Variants in LYPLA2 observed in about 807,000 individuals in gnomAD.
The protein encoded by LYPLA2 is lysophospholipase 2.
In LYPLA2, 7 loss-of-function variants were observed where a neutral mutation model predicts 30.3. The observed-to-expected ratio is 0.23, with a 90% CI of 0.13 to 0.43. LYPLA2 has a LOEUF of 0.43. Ranked by LOEUF, LYPLA2 falls within the 20% of genes least tolerant of loss-of-function variation. The pLI is 1.00. For missense variants in LYPLA2, 206 were observed against 307.9 expected, an observed-to-expected ratio of 0.67 and a Z score of 2.48; for synonymous variants, 112 against 118.2, an observed-to-expected ratio of 0.95 and a Z score of 0.34.
chr1:23,793,892 C>T lies in LYPLA2; in HGVS notation c.257C>T (p.Pro86Leu), dbSNP rs865948092. 6.2e-7 allele frequency: 1 copy of T among 1,613,988 alleles called. No individual in the cohort carries two copies. Among genetic ancestry groups the T allele is most frequent in the Non-Finnish European group, 8.5e-7 (1 of 1,179,944 alleles). ...FDLMGLSPDA[P>L]EDEAGIKKAA... is the part of the protein sequence containing the mutation. ...CTGATGGGGCTGAGTCCAGATGCCC[C>T]AGAGGACGAGGCTGGCATCAAGAAG... is the stretch of plus-strand genomic sequence containing the variant. Residue 86 changes from proline to leucine, a missense_variant, in exon 6 of 10, where the codon CCA (proline) becomes CTA (leucine). Coordinates refer to ENST00000374514, the MANE Select transcript of LYPLA2 (RefSeq NM_007260.3). The surrounding 1 kb of genome is among the most constrained non-coding windows in gnomAD (Gnocchi z 6.0).
chr1:23,794,385 G>A lies in LYPLA2; in HGVS notation c.472-42G>A, dbSNP rs1432608076. On this transcript the variant is annotated intron_variant, in intron 8 of 9. Transcript: ENST00000374514. This position sits in a 1 kb window ranked among gnomAD's most constrained non-coding sequence, Gnocchi z 5.9. Reference sequence around the variant, plus strand: ...TCTGCATCCTCGTGGCTTGGGGACTGCTGCAGCACTAGCTTTGCCCTGAGT... The same window carrying A: ...TCTGCATCCTCGTGGCTTGGGGACTACTGCAGCACTAGCTTTGCCCTGAGT... 7.4e-6 allele frequency: 12 copies of A among 1,611,070 alleles called. No individual in the cohort carries two copies. The highest frequency in any genetic ancestry group is 6.7e-5 in the Admixed American group (4 of 59,844).
Position 23,794,265 on chromosome 1 carries a change from C to T in LYPLA2, c.411C>T (p.His137=). Residue 137 remains histidine (H), a synonymous_variant, in exon 8 of 10, where the codon CAC becomes CAT. Coordinates refer to ENST00000374514, the MANE Select transcript of LYPLA2 (RefSeq NM_007260.3). This position sits in a 1 kb window ranked among gnomAD's most constrained non-coding sequence, Gnocchi z 5.9. ...LSLYTALTCP[H]PLAGIVALSC... Reference sequence around the variant, plus strand: ...TCTACACGGCCCTCACCTGCCCCCACCCTCTGGCTGGCATCGTGGCGTTGA... The same window carrying T: ...TCTACACGGCCCTCACCTGCCCCCATCCTCTGGCTGGCATCGTGGCGTTGA... 3.1e-6 allele frequency: 5 copies of T among 1,612,350 alleles called. No individual in the cohort carries two copies. The highest frequency in any genetic ancestry group is 4.2e-6 in the Non-Finnish European group (5 of 1,179,906).
Position 23,795,076 on chromosome 1 carries a change from C to T in LYPLA2, c.*344C>T, listed in dbSNP as rs1192888348. Reference sequence around the variant, plus strand: ...CACTCACTAGCCCCGCTTTGGGCCCCCTCCTGTGACCTCAGGGTTTGGCCC... The same window carrying T: ...CACTCACTAGCCCCGCTTTGGGCCCTCTCCTGTGACCTCAGGGTTTGGCCC... On this transcript the variant is annotated 3_prime_UTR_variant, in exon 10 of 10. Transcript: ENST00000374514. 1 of 486,546 alleles carries T rather than the reference C, an allele frequency of 2.1e-6. No individual in the cohort carries two copies. The allele number at this position is 486,546 out of a possible 1,614,324, so 30.1% of individuals were successfully genotyped here.
In LYPLA2 at chr1:23,793,631, C is replaced by T. The variant is rs1227647941; in HGVS notation, c.177-74C>T. ...GAGGGGCCACCAGGGGCGGCGCGGC[C>T]CCACTCCGGGCTCTGAGCTCTGGCC... On this transcript the variant is annotated intron_variant, in intron 4 of 9. Coordinates refer to ENST00000374514, the MANE Select transcript of LYPLA2 (RefSeq NM_007260.3). This position sits in a 1 kb window ranked among gnomAD's most constrained non-coding sequence, Gnocchi z 6.0. The T allele has an allele frequency of 6.6e-6, 10 of 1,509,468 alleles. No homozygotes were observed. The highest frequency in any genetic ancestry group is 8.3e-6 in the Non-Finnish European group (9 of 1,085,000). 93.5% of individuals were successfully genotyped at this position (1,509,468 alleles called of 1,614,324 possible).
Position 23,795,366 on chromosome 1 carries a change from CTGGACTG to C in LYPLA2, c.*635_*641del, listed in dbSNP as rs879606870. The C allele has an allele frequency of 4.7e-4, 101 of 213,578 alleles. No homozygotes were observed. Among genetic ancestry groups the C allele is most frequent in the South Asian group, 2.0e-3 (30 of 14,654 alleles). The allele number at this position is 213,578 out of a possible 1,614,324, so 13.2% of individuals were successfully genotyped here. A position where few individuals can be genotyped will look rare whatever the true frequency, so the allele number is the denominator to read the frequency against. ...CCCTGCAGGCCTGGAGCCTGTAGGGCTGGACTGAGGTTCAGGTCTCCCCCCAGCTGTC... is the reference window on the plus strand; with the variant it reads ...CCCTGCAGGCCTGGAGCCTGTAGGGCAGGTTCAGGTCTCCCCCCAGCTGTC... On this transcript the variant is annotated 3_prime_UTR_variant, in exon 10 of 10. Coordinates refer to ENST00000374514, the MANE Select transcript of LYPLA2 (RefSeq NM_007260.3).
In LYPLA2 at chr1:23,794,826, C is replaced by T. The variant is rs549846053; in HGVS notation, c.*94C>T. On this transcript the variant is annotated 3_prime_UTR_variant, in exon 10 of 10. Coordinates refer to ENST00000374514, the MANE Select transcript of LYPLA2 (RefSeq NM_007260.3). The surrounding 1 kb of genome is among the most constrained non-coding windows in gnomAD (Gnocchi z 5.9). Reference sequence around the variant, plus strand: ...GGATCTGAGCCGGTCGAGCCCCTGTCCCCACCCTTCCTGACCTGTCCTTTT... The same window carrying T: ...GGATCTGAGCCGGTCGAGCCCCTGTTCCCACCCTTCCTGACCTGTCCTTTT... 3.3e-5 allele frequency: 46 copies of T among 1,399,022 alleles called. No homozygotes were observed. The African/African-American group carries it at 6.3e-4, about 19-fold the overall frequency. The allele number at this position is 1,399,022 out of a possible 1,614,324, so 86.7% of individuals were successfully genotyped here. A position where few individuals can be genotyped will look rare whatever the true frequency, so the allele number is the denominator to read the frequency against.
chr1:23,794,903 G>A lies in LYPLA2; in HGVS notation c.*171G>A. 1.3e-6 allele frequency: 1 copy of A among 779,110 alleles called. No individual in the cohort carries two copies. The highest frequency in any genetic ancestry group is 2.0e-5 in the Admixed American group (1 of 49,992). 48.3% of individuals were successfully genotyped at this position (779,110 alleles called of 1,614,324 possible). ...AAGGCCTGGCCGGGCCTTCCTTCCT[G>A]GCCTTAGCCACCTGGCTCTGTCTGC... On this transcript the variant is annotated 3_prime_UTR_variant, in exon 10 of 10. Transcript: ENST00000374514. The surrounding 1 kb of genome is among the most constrained non-coding windows in gnomAD (Gnocchi z 5.9).
chr1:23,792,831 GA>G (rs1638825363), intron 2 of LYPLA2, 71 bp downstream of exon 2: 1 of 1,425,452 alleles, frequency 7.0e-7, no homozygotes, highest in Non-Finnish European at 9.9e-7. Context: ...GGGGGTGTGG[GA>G]AAATGGAGGT....
At position 23,792,746 on chromosome 1, in the gene LYPLA2, C is replaced by A. The variant is rs755575326; in HGVS notation, c.64C>A (p.Arg22=). ...TGCTGCCACCGTGTCTGGAGCTGAG[C>A]GGGAAACGGCCGCGGTAAGGGTCCC... ...TDAATVSGAE[R]ETAAVIFLHG... Residue 22 remains arginine (R), a synonymous_variant, in exon 2 of 10, where the codon CGG becomes AGG. Coordinates refer to ENST00000374514, the MANE Select transcript of LYPLA2 (RefSeq NM_007260.3). 1.1e-5 allele frequency: 17 copies of A among 1,612,382 alleles called. No homozygotes were observed. The Admixed American group carries it at 1.5e-4, about 14-fold the overall frequency.
In LYPLA2 at chr1:23,794,768, G is replaced by C. The variant is rs200324733; in HGVS notation, c.*36G>C. On this transcript the variant is annotated 3_prime_UTR_variant, in exon 10 of 10. Transcript: ENST00000374514. The surrounding 1 kb of genome is among the most constrained non-coding windows in gnomAD (Gnocchi z 5.9). ...GCCCCAGTGCAGTACCCCAGCTCAT[G>C]GGGGACTCAGCAAGCAAGCGTGGCA... The C allele has an allele frequency of 8.8e-5, 142 of 1,611,994 alleles. 3 individuals are homozygous for C. The Middle Eastern group carries it at 1.2e-3, about 13-fold the overall frequency.
intron 2 of LYPLA2, 39 bp from the exon 3 acceptor site, chr1:23,792,969 G>C: frequency 6.3e-7 from 1 of 1,598,634 alleles, no homozygotes; most frequent in Non-Finnish European, 8.5e-7. Context: ...AGGACCTAGG[G>C]GAAGCCTTCC....
chr1:23,794,253 C>T lies in LYPLA2; in HGVS notation c.399C>T (p.Leu133=). Residue 133 remains leucine, a synonymous_variant, in exon 8 of 10, where the codon CTC becomes CTT. Coordinates refer to ENST00000374514, the MANE Select transcript of LYPLA2 (RefSeq NM_007260.3). This position sits in a 1 kb window ranked among gnomAD's most constrained non-coding sequence, Gnocchi z 5.9. ...QGGALSLYTA[L]TCPHPLAGIV... is the part of the protein sequence containing the mutation. Reference sequence around the variant, plus strand: ...GGGCCCTGTCCCTCTACACGGCCCTCACCTGCCCCCACCCTCTGGCTGGCA... The same window carrying T: ...GGGCCCTGTCCCTCTACACGGCCCTTACCTGCCCCCACCCTCTGGCTGGCA... 1 of 1,611,820 alleles carries T rather than the reference C, an allele frequency of 6.2e-7. No individual in the cohort carries two copies. The highest frequency in any genetic ancestry group is 8.5e-7 in the Non-Finnish European group (1 of 1,179,756).
rs1638850313 is a variant in LYPLA2 at position 23,793,714 on chromosome 1, C to T, written c.186C>T (p.Ile62=). The T allele has an allele frequency of 6.2e-7, 1 of 1,614,140 alleles. No homozygotes were observed. The highest frequency in any genetic ancestry group is 1.1e-5 in the South Asian group (1 of 91,088). Residue 62 remains isoleucine (I), a synonymous_variant, in exon 5 of 10, where the codon ATC becomes ATT. Transcript: ENST00000374514. The surrounding 1 kb of genome is among the most constrained non-coding windows in gnomAD (Gnocchi z 6.0). ...GGCTCTCTTTCCCCAGGCCTAGGAT[C>T]CCTGTGACCCTCAACATGAAGATGG... The part of the protein sequence containing the change: ...VKYICPHAPR[I]PVTLNMKMVM...
chr1:23,794,209 C>T lies in LYPLA2; in HGVS notation c.370-15C>T, dbSNP rs527596563. On this transcript the variant is annotated splice_polypyrimidine_tract_variant and intron_variant, in intron 7 of 9. Transcript: ENST00000374514. This position sits in a 1 kb window ranked among gnomAD's most constrained non-coding sequence, Gnocchi z 5.9. ...TGAGCTGTGCCCTCATGACCCCTCT[C>T]TCTCCTCCCTCCAGGGCGGGGCCCT... The T allele has an allele frequency of 6.6e-4, 1,055 of 1,603,416 alleles. 18 individuals carry two copies. In the South Asian group the frequency reaches 0.011, roughly 17 times the overall value.
chr1:23,791,667 G>C (rs1443211085), intron 1 of LYPLA2, among the ~76,000 whole-genome samples: 1 of 152,068 alleles, frequency 6.6e-6, no homozygotes, highest in Non-Finnish European at 1.5e-5. Flanking sequence ...AGGTCAGGGG[G>C]AAGGCACCCC....
At chr1:23,792,888 A>T in intron 2 of LYPLA2, 120 bp from the exon 3 acceptor site, 1 of 1,148,732 alleles carries the variant, frequency 8.7e-7, no homozygotes, top group Non-Finnish European at 1.2e-6. Context: ...GGCTCGGGGT[A>T]GTAACCTGTT....
rs759612847 is a variant in LYPLA2 at position 23,793,851 on chromosome 1, A to C, written c.225-9A>C. On this transcript the variant is annotated splice_polypyrimidine_tract_variant and intron_variant, in intron 5 of 9. Coordinates refer to ENST00000374514, the MANE Select transcript of LYPLA2 (RefSeq NM_007260.3). This position sits in a 1 kb window ranked among gnomAD's most constrained non-coding sequence, Gnocchi z 6.0. ...GTTTTCTATAGCTGCCAGTGCCTCT[A>C]CTCCCAAGGTTTGACCTGATGGGGC... 20 of 1,613,332 alleles carry C rather than the reference A, an allele frequency of 1.2e-5. No homozygotes were observed. The African/African-American group carries it at 1.6e-4, about 13-fold the overall frequency.
Position 23,795,502 on chromosome 1 carries a change from C to G in LYPLA2, c.*770C>G. The G allele has an allele frequency of 4.2e-6, 1 of 236,982 alleles. No individual in the cohort carries two copies. Among genetic ancestry groups the G allele is most frequent in the Non-Finnish European group, 8.4e-6 (1 of 118,808 alleles). The allele number at this position is 236,982 out of a possible 1,614,324, so 14.7% of individuals were successfully genotyped here. A position where few individuals can be genotyped will look rare whatever the true frequency, so the allele number is the denominator to read the frequency against. On this transcript the variant is annotated 3_prime_UTR_variant, in exon 10 of 10. Transcript: ENST00000374514. ...TTTTTGGGTGTTTTTCTTGTTGTGT[C>G]CTGGATTCCGATAAAATTAAAGAAA...
chr1:23,792,813 C>T (rs1435546448), intron 2 of LYPLA2, 53 bp downstream of exon 2: 30 of 1,509,902 alleles, frequency 2.0e-5, no homozygotes, highest in Non-Finnish European at 2.7e-5. Flanking sequence ...GCTGGAGGAC[C>T]GGCTGGAGGG....
Sources: allele counts gnomAD v4.1 joint callset (sites outside exome capture counted in the v4.1 genomes callset), GRCh38; gene constraint gnomAD v4.1.1; non-coding constraint Gnocchi (gnomAD v3.1); transcripts MANE v1.5; gene names NCBI Gene and HGNC (gene_info 2026-07-23, HGNC 2026-07-21).